SLC39A12: variants seen among roughly 807,000 people sequenced by gnomAD.
SLC39A12 encodes solute carrier family 39 member 12.
Under a neutral mutation model 71.1 loss-of-function variants are expected in SLC39A12, and 63 were observed. The ratio of observed to expected loss-of-function variants is 0.89; its 90% CI spans 0.72 to 1.09. The LOEUF is 1.09. Among genes scored for constraint, SLC39A12 ranks in the 50% least tolerant of loss-of-function variants. SLC39A12 has a pLI of 0.00. For synonymous variants in SLC39A12, 351 were observed against 301.3 expected (o/e 1.16, Z -1.71); for missense variants, 892 against 812.6 (o/e 1.10, Z -1.19).
intron 12 of SLC39A12, among the ~76,000 whole-genome samples, chr10:18,029,214 C>T (rs1286633689): frequency 6.6e-6 from 1 of 152,116 alleles, no homozygotes; most frequent in East Asian, 1.9e-4. Context: ...TTCAGAAATG[C>T]TACTTAGCAG....
intron 12 of SLC39A12, among the ~76,000 whole-genome samples, chr10:18,011,499 A>T (rs1836222443): frequency 6.6e-6 from 1 of 152,238 alleles, no homozygotes; most frequent in Non-Finnish European, 1.5e-5. Context: ...GTTATTGGTT[A>T]GGCTTCTGGC....
intron 3 of SLC39A12, among the ~76,000 whole-genome samples, chr10:17,963,943 A>C (rs2130782702): frequency 6.6e-6 from 1 of 152,238 alleles, no homozygotes. Context: ...GTTTTGTCCA[A>C]ACCTCTCTGT....
intron 6 of SLC39A12, among the ~76,000 whole-genome samples, chr10:17,986,011 C>T (rs990748773): frequency 6.6e-6 from 1 of 152,142 alleles, no homozygotes; most frequent in African/African-American, 2.4e-5. Context: ...TCACCCTGGA[C>T]ATTGCAAATA....
At chr10:17,954,774 A>G (rs690759) in intron 2 of SLC39A12, among the ~76,000 whole-genome samples, 99,736 of 151,768 alleles carry the variant, frequency 0.66, 33,252 homozygotes, top group East Asian at 0.77. Context: ...AAAGCTAACA[A>G]CCGTCTCCAA....
chr10:18,041,070 C>T (rs1045176798), intron 12 of SLC39A12, among the ~76,000 whole-genome samples: 4 of 152,078 alleles, frequency 2.6e-5, no homozygotes, highest in African/African-American at 9.7e-5. Context: ...ATCTCCAATC[C>T]TTGTTGACAC....
intron 6 of SLC39A12, among the ~76,000 whole-genome samples, chr10:17,983,459 G>A (rs935870286): frequency 2.6e-5 from 4 of 152,030 alleles, no homozygotes; most frequent in African/African-American, 9.7e-5. Context: ...TTGCACTCCA[G>A]TTGGGTGACA....
Position 17,975,989 on chromosome 10 carries a change from C to G in SLC39A12, c.752-1913C>G, listed in dbSNP as rs117840796. Among the ~76,000 whole-genome samples, 93 of 152,278 alleles carry G rather than the reference C, an allele frequency of 6.1e-4. No homozygotes were observed. The East Asian group carries it at 9.8e-3, about 16-fold the overall frequency. The stretch of plus-strand genomic sequence containing the variant: ...CAATGCCTCAAAATTGCCATGCCCC[C>G]CTACTGTCAGCACCCAGAGATGCTC... On this transcript the variant is annotated intron_variant, in intron 4 of 12. Transcript: ENST00000377369.
intron 6 of SLC39A12, among the ~76,000 whole-genome samples, chr10:17,986,104 C>A (rs760665475): frequency 6.6e-6 from 1 of 152,138 alleles, no homozygotes; most frequent in Admixed American, 6.5e-5. Context: ...ACTGCCAAAC[C>A]TTATGCTTCC....
At chr10:17,988,175 C>T (rs1488833560) in intron 7 of SLC39A12, among the ~76,000 whole-genome samples, 1 of 152,086 alleles carries the variant, frequency 6.6e-6, no homozygotes, top group African/African-American at 2.4e-5. Context: ...GGGCATAGTG[C>T]CATGCGTCTG....
At chr10:18,041,749 A>T (rs183821747) in intron 12 of SLC39A12, among the ~76,000 whole-genome samples, 1 of 123,976 alleles carries the variant, frequency 8.1e-6, no homozygotes, top group African/African-American at 3.0e-5. Flanking sequence ...ATATACATGT[A>T]TATATGTGTA....
At chr10:18,017,667 T>G (rs371654016) in intron 12 of SLC39A12, among the ~76,000 whole-genome samples, 1 of 152,304 alleles carries the variant, frequency 6.6e-6, no homozygotes, top group South Asian at 2.1e-4. Context: ...TTTATTGTGT[T>G]TACTCCTTTA....
intron 12 of SLC39A12, among the ~76,000 whole-genome samples, chr10:18,020,992 C>T (rs1440643777): frequency 2.0e-5 from 3 of 151,874 alleles, no homozygotes; most frequent in African/African-American, 7.2e-5. Context: ...CACTTGTCAA[C>T]TTTTGATTTT....
At chr10:17,976,826 C>T (rs924703323) in intron 4 of SLC39A12, among the ~76,000 whole-genome samples, 1 of 152,158 alleles carries the variant, frequency 6.6e-6, no homozygotes, top group Admixed American at 6.6e-5. Context: ...TTCTTGAACA[C>T]GTATGTTCAG....
At chr10:18,017,047 T>G (rs796723588) in intron 12 of SLC39A12, among the ~76,000 whole-genome samples, 13 of 152,260 alleles carry the variant, frequency 8.5e-5, no homozygotes, top group African/African-American at 3.1e-4. Flanking sequence ...GAGTATATAT[T>G]TAGGGCAACT....
At chr10:17,983,487 A>C (rs186956461) in intron 6 of SLC39A12, among the ~76,000 whole-genome samples, 4 of 152,034 alleles carry the variant, frequency 2.6e-5, no homozygotes, top group African/African-American at 9.6e-5. Context: ...ACCCTGTCTT[A>C]AAAACAAGAA....
At chr10:18,038,218 T>C (rs10828127) in intron 12 of SLC39A12, among the ~76,000 whole-genome samples, 18,976 of 151,872 alleles carry the variant, frequency 0.12, 2,128 homozygotes, top group African/African-American at 0.29. Context: ...GTCATTTATA[T>C]ACAAGAATAA....
Position 17,991,265 on chromosome 10 carries a change from G to A in SLC39A12, c.1384G>A (p.Glu462Lys). 6 of 1,597,340 alleles carry A rather than the reference G, an allele frequency of 3.8e-6. No homozygotes were observed. Residue 462 changes from glutamate to lysine, a missense_variant, in exon 8 of 13, where the codon GAA (glutamate) becomes AAA (lysine). By Grantham distance (56) the Glu-to-Lys change is moderately conservative (BLOSUM62 1). Coordinates refer to ENST00000377369, the MANE Select transcript of SLC39A12 (RefSeq NM_001145195.2). The stretch of plus-strand genomic sequence containing the variant: ...AGGCATCCATGGATTTTTCTTGATA[G>A]AAAAATGTTTTATTCTTCTTGTATC... ...IGGIHGFFLI[E>K]KCFILLVSPN...
At chr10:18,001,196 T>A (rs1172263274) in intron 11 of SLC39A12, among the ~76,000 whole-genome samples, 1 of 152,140 alleles carries the variant, frequency 6.6e-6, no homozygotes, top group African/African-American at 2.4e-5. Context: ...TGTCAGCACA[T>A]GGGCCAGTAA....
At chr10:17,967,185 G>A (rs993253440) in intron 4 of SLC39A12, among the ~76,000 whole-genome samples, 5 of 152,050 alleles carry the variant, frequency 3.3e-5, no homozygotes, top group Non-Finnish European at 7.4e-5. Flanking sequence ...GGAGTTTGCT[G>A]ATTGCAGTCC....
Sources: allele counts gnomAD v4.1 joint callset (sites outside exome capture counted in the v4.1 genomes callset), GRCh38; gene constraint gnomAD v4.1.1; transcripts MANE v1.5; gene names NCBI Gene and HGNC (gene_info 2026-07-23, HGNC 2026-07-21).